The following DCP1A variants were observed in gnomAD, a reference collection of about 807,000 sequenced individuals.
The protein encoded by DCP1A is decapping mRNA 1A.
A neutral mutation model predicts 58.0 loss-of-function variants in DCP1A; 20 were observed. The ratio of observed to expected loss-of-function variants is 0.34; its 90% CI spans 0.24 to 0.50. The LOEUF is 0.50. Among genes scored for constraint, DCP1A ranks in the 20% least tolerant of loss-of-function variants. DCP1A has a pLI of 0.98. For synonymous variants in DCP1A, 285 were observed against 275.1 expected (o/e 1.04, Z -0.36); for missense variants, 613 against 712.2 (o/e 0.86, Z 1.59).
chr3:53,309,852 C>G (rs1553688473), intron 5 of DCP1A, among the ~76,000 whole-genome samples: 1 of 152,222 alleles, frequency 6.6e-6, no homozygotes, highest in Non-Finnish European at 1.5e-5. Context: ...AGCGGAGACT[C>G]AGAATCAGGA....
chr3:53,320,159 A>G (rs1707921382), intron 3 of DCP1A, among the ~76,000 whole-genome samples: 2 of 151,986 alleles, frequency 1.3e-5, no homozygotes, highest in Non-Finnish European at 2.9e-5. Context: ...AATTGTTACA[A>G]TACAAAGCTT....
chr3:53,294,889 C>T (rs1707064745), intron 6 of DCP1A, among the ~76,000 whole-genome samples: 1 of 152,228 alleles, frequency 6.6e-6, no homozygotes, highest in South Asian at 2.1e-4. Flanking sequence ...TCATGTATTC[C>T]CCAATCCTTG....
At chr3:53,340,992 G>A (rs782355602) in intron 3 of DCP1A, among the ~76,000 whole-genome samples, 2 of 152,106 alleles carry the variant, frequency 1.3e-5, no homozygotes, top group African/African-American at 2.4e-5. Context: ...TAACTGTATC[G>A]TTAACATTAA....
chr3:53,345,227 T>TCAAGTGA (rs2089278086), intron 1 of DCP1A, among the ~76,000 whole-genome samples: 1 of 152,190 alleles, frequency 6.6e-6, no homozygotes, highest in Non-Finnish European at 1.5e-5. Flanking sequence ...AATCATAGAA[T>TCAAGTGA]AAACCTTCAC....
intron 6 of DCP1A, among the ~76,000 whole-genome samples, chr3:53,296,306 C>A (rs1473427886): frequency 6.6e-6 from 1 of 152,198 alleles, no homozygotes; most frequent in Non-Finnish European, 1.5e-5. Context: ...GGTAAGATAA[C>A]CAAGGCTAGG....
intron 4 of DCP1A, among the ~76,000 whole-genome samples, chr3:53,315,738 TTTG>T (rs1171639890): frequency 7.7e-6 from 1 of 129,612 alleles, no homozygotes; most frequent in South Asian, 2.4e-4. Flanking sequence ...AGTAAATCAG[TTTG>T]TTGTTTTTTT....
intron 3 of DCP1A, among the ~76,000 whole-genome samples, chr3:53,327,279 G>A (rs1371517116): frequency 9.2e-5 from 14 of 152,066 alleles, no homozygotes; most frequent in African/African-American, 3.1e-4. Flanking sequence ...AATACCTCAC[G>A]GACTATAAGA....
chr3:53,334,348 C>T (rs2089073570), intron 3 of DCP1A, among the ~76,000 whole-genome samples: 1 of 152,084 alleles, frequency 6.6e-6, no homozygotes, highest in East Asian at 1.9e-4. Context: ...CAATCTGAGT[C>T]TTTTAACTGG....
chr3:53,305,409 G>A (rs1365274875), intron 5 of DCP1A, among the ~76,000 whole-genome samples: 1 of 151,552 alleles, frequency 6.6e-6, no homozygotes, highest in African/African-American at 2.4e-5. Context: ...GATTTTAGTG[G>A]CTTGATCTCA....
chr3:53,304,423 T>C (rs1707406590), intron 5 of DCP1A, 133 bp from the exon 6 acceptor site: 2 of 623,060 alleles, frequency 3.2e-6, no homozygotes, highest in Non-Finnish European at 5.6e-6. Flanking sequence ...TCAAAATGTT[T>C]GCTCTGTACT....
chr3:53,335,484 A>C (rs1288302514), intron 3 of DCP1A, among the ~76,000 whole-genome samples: 1 of 152,126 alleles, frequency 6.6e-6, no homozygotes, highest in African/African-American at 2.4e-5. Context: ...CTATTGTTTA[A>C]ATCTGAGATT....
At chr3:53,305,234 C>T (rs991886501) in intron 5 of DCP1A, among the ~76,000 whole-genome samples, 7 of 152,316 alleles carry the variant, frequency 4.6e-5, no homozygotes, top group South Asian at 4.1e-4. Flanking sequence ...TATATAAATA[C>T]GTGAGTGTTT....
At chr3:53,298,621 C>T (rs782491851) in intron 6 of DCP1A, among the ~76,000 whole-genome samples, 1 of 152,208 alleles carries the variant, frequency 6.6e-6, no homozygotes, top group Admixed American at 6.5e-5. Flanking sequence ...ACAATACAGT[C>T]TACATTCTTA....
intron 5 of DCP1A, among the ~76,000 whole-genome samples, chr3:53,305,982 C>T (rs782327130): frequency 2.1e-4 from 32 of 152,100 alleles, no homozygotes; most frequent in Non-Finnish European, 4.0e-4. Context: ...CTATCTGATC[C>T]GGCATCTGAT....
chr3:53,343,549 CTAGAG>C (rs2106901654), intron 2 of DCP1A, among the ~76,000 whole-genome samples: 1 of 152,186 alleles, frequency 6.6e-6, no homozygotes, highest in African/African-American at 2.4e-5. Context: ...AACAGAGTTT[CTAGAG>C]ATTTATATTG....
At chr3:53,346,752 C>G (rs1290464799) in intron 1 of DCP1A, among the ~76,000 whole-genome samples, 1 of 152,164 alleles carries the variant, frequency 6.6e-6, no homozygotes, top group African/African-American at 2.4e-5. Flanking sequence ...TTTACAGGGT[C>G]TCTCTTGTTT....
At chr3:53,320,042 C>T (rs564474180) in intron 3 of DCP1A, among the ~76,000 whole-genome samples, 115 of 151,882 alleles carry the variant, frequency 7.6e-4, no homozygotes, top group Middle Eastern at 6.8e-3. Flanking sequence ...GCAGGAGAAT[C>T]GCTTGGGCCC....
intron 6 of DCP1A, among the ~76,000 whole-genome samples, chr3:53,301,404 T>A (rs1345570406): frequency 6.6e-6 from 1 of 152,036 alleles, no homozygotes; most frequent in Non-Finnish European, 1.5e-5. Context: ...CCCGAATAGC[T>A]GGGATTCAGG....
At chr3:53,324,686 C>T (rs565801141) in intron 3 of DCP1A, among the ~76,000 whole-genome samples, 23 of 152,288 alleles carry the variant, frequency 1.5e-4, no homozygotes, top group African/African-American at 5.5e-4. Flanking sequence ...TGACTGCTAA[C>T]AGCTATCCTA....
Sources: allele counts gnomAD v4.1 joint callset (sites outside exome capture counted in the v4.1 genomes callset), GRCh38; gene constraint gnomAD v4.1.1; transcripts MANE v1.5; gene names NCBI Gene and HGNC (gene_info 2026-07-23, HGNC 2026-07-21).